Variants in ERI1 observed in about 807,000 individuals in gnomAD.
The protein encoded by ERI1 is 3'-5' exoribonuclease 1.
ERI1 carries 39 observed loss-of-function variants against 39.7 expected under a neutral mutation model. That is an observed-to-expected ratio of 0.98 (90% CI 0.76 to 1.28). The LOEUF (loss-of-function observed/expected upper bound fraction) is 1.28, where lower values mean the gene tolerates loss of function less well. ERI1 is among the 50% of genes most tolerant of loss of function. The pLI, the probability that ERI1 is intolerant of heterozygous loss-of-function variation, is 0.00. For synonymous variants in ERI1, 204 were observed against 149.6 expected (o/e 1.36, Z -2.65); for missense variants, 581 against 416.9 (o/e 1.39, Z -3.43).
intron 3 of ERI1, among the ~76,000 whole-genome samples, chr8:9,044,479 G>A (rs1217384977): frequency 3.9e-5 from 6 of 152,160 alleles, no homozygotes; most frequent in South Asian, 4.2e-4. Context: ...ATACAGGTAG[G>A]TCTAGTTAGC....
chr8:9,021,591 C>G (rs1037983850), intron 6 of ERI1, among the ~76,000 whole-genome samples: 1 of 152,136 alleles, frequency 6.6e-6, no homozygotes, highest in South Asian at 2.1e-4. Context: ...CTTGTAACTT[C>G]CACCCACTTA....
chr8:9,058,310 G>A (rs1442779204), intron 3 of ERI1, among the ~76,000 whole-genome samples: 1 of 152,190 alleles, frequency 6.6e-6, no homozygotes, highest in Admixed American at 6.5e-5. Context: ...TTCTATTTAA[G>A]ACCTCGTAGG....
chr8:9,080,671 G>T (rs1018449868), intron 3 of ERI1, among the ~76,000 whole-genome samples: 2 of 152,148 alleles, frequency 1.3e-5, no homozygotes, highest in African/African-American at 2.4e-5. Flanking sequence ...GTGTCTTTGG[G>T]TTCTAGCAGC....
At chr8:9,025,722 G>A (rs1038316743) in intron 6 of ERI1, among the ~76,000 whole-genome samples, 1 of 151,670 alleles carries the variant, frequency 6.6e-6, no homozygotes, top group African/African-American at 2.4e-5. Flanking sequence ...GTGTGTGTGT[G>A]TGTGGTTAAA....
At chr8:9,088,660 C>T (rs896946599) in intron 3 of ERI1, 1 of 152,224 alleles carries the variant, frequency 6.6e-6, no homozygotes, top group Non-Finnish European at 1.5e-5. Context: ...TCAGCCAGTG[C>T]AAGTTGTGGG....
chr8:9,052,214 C>G (rs111898375), intron 3 of ERI1, among the ~76,000 whole-genome samples: 1 of 152,172 alleles, frequency 6.6e-6, no homozygotes, highest in African/African-American at 2.4e-5. Flanking sequence ...TGAGTTTCAG[C>G]TACTGCTCCT....
At chr8:9,085,434 C>G (rs1014998671) in intron 3 of ERI1, among the ~76,000 whole-genome samples, 1 of 152,054 alleles carries the variant, frequency 6.6e-6, no homozygotes, top group Non-Finnish European at 1.5e-5. Flanking sequence ...GTCTTGAACC[C>G]CTGACCTCAA....
chr8:9,028,698 A>G (rs1335633864), intron 6 of ERI1, among the ~76,000 whole-genome samples: 3 of 152,020 alleles, frequency 2.0e-5, no homozygotes, highest in Admixed American at 2.0e-4. Flanking sequence ...ATCTTGGCTC[A>G]CTGTAACCTC....
chr8:9,036,012 A>G (rs142366608), downstream of ERI1, among the ~76,000 whole-genome samples: 1 of 152,346 alleles, frequency 6.6e-6, no homozygotes, highest in African/African-American at 2.4e-5. Flanking sequence ...CTAGAAGTGA[A>G]GATGTGACTG....
chr8:9,080,713 G>A (rs538449167), intron 3 of ERI1, among the ~76,000 whole-genome samples: 5 of 152,294 alleles, frequency 3.3e-5, no homozygotes, highest in South Asian at 4.1e-4. Context: ...CGTCACCAGT[G>A]TGGACCTTGG....
At chr8:9,056,840 T>G (rs1482584010) in intron 3 of ERI1, among the ~76,000 whole-genome samples, 1 of 152,180 alleles carries the variant, frequency 6.6e-6, no homozygotes, top group African/African-American at 2.4e-5. Context: ...CCCATGTAAT[T>G]GTCTGTTTTT....
intron 3 of ERI1, among the ~76,000 whole-genome samples, chr8:9,064,187 T>C (rs1359223703): frequency 1.4e-5 from 2 of 144,918 alleles, no homozygotes; most frequent in Non-Finnish European, 1.5e-5. Flanking sequence ...GATCGGGGGG[T>C]TCTTGCCCCC....
chr8:9,090,861 A>G (rs553450870), intron 3 of ERI1, among the ~76,000 whole-genome samples: 1 of 152,192 alleles, frequency 6.6e-6, no homozygotes, highest in Non-Finnish European at 1.5e-5. Flanking sequence ...ACAGAGAAGA[A>G]ATATTCCAAG....
chr8:9,068,005 C>G (rs997597935), intron 3 of ERI1, among the ~76,000 whole-genome samples: 3 of 152,144 alleles, frequency 2.0e-5, no homozygotes, highest in Admixed American at 2.0e-4. Context: ...CTCCTTCCCC[C>G]AAGCAAGAAG....
chr8:9,080,320 C>A (rs185120233), intron 3 of ERI1, among the ~76,000 whole-genome samples: 2 of 152,306 alleles, frequency 1.3e-5, no homozygotes, highest in Admixed American at 1.3e-4. Context: ...ACTAGATGTG[C>A]CCTGCTAGTG....
intron 3 of ERI1, among the ~76,000 whole-genome samples, chr8:9,086,491 A>G (rs1370323715): frequency 6.6e-6 from 1 of 152,228 alleles, no homozygotes; most frequent in Non-Finnish European, 1.5e-5. Context: ...TCGAGGCTGC[A>G]GCAAGCTGAG....
rs146436274 is a variant in ERI1, at chr8:9,030,063, T to C, written c.*29T>C. On this transcript the variant is annotated 3_prime_UTR_variant, in exon 7 of 7. Coordinates refer to ENST00000250263, the MANE Select transcript of ERI1 (RefSeq NM_153332.4). ...CAGTTTTGTGTGTGGATCATTCCAATTGAAGTTGCTATGAAGAGGTAGCAG... is the reference window on the plus strand; with the variant it reads ...CAGTTTTGTGTGTGGATCATTCCAACTGAAGTTGCTATGAAGAGGTAGCAG... 326 of 1,608,050 alleles carry C rather than the reference T, an allele frequency of 2.0e-4. 2 individuals are homozygous for C. The East Asian group carries it at 7.0e-3, about 35-fold the overall frequency.
chr8:9,073,725 C>T (rs547898081), intron 3 of ERI1, among the ~76,000 whole-genome samples: 2 of 152,104 alleles, frequency 1.3e-5, no homozygotes, highest in Non-Finnish European at 2.9e-5. Flanking sequence ...TATTAGAAAG[C>T]CTCTTATTTC....
intron 1 of ERI1, chr8:9,003,971 C>A: frequency 1.4e-6 from 1 of 710,230 alleles, no homozygotes; most frequent in Non-Finnish European, 2.2e-6. Context: ...ATGAATTTGG[C>A]TTATTCCCCT....
Sources: gnomAD v4.1 joint callset for allele counts (sites outside exome capture counted in the v4.1 genomes callset) on GRCh38, gnomAD v4.1.1 for gene constraint, MANE v1.5 for transcripts, NCBI Gene and HGNC (gene_info 2026-07-23, HGNC 2026-07-21) for gene names.